The following CADPS variants were observed in gnomAD, a reference collection of about 807,000 sequenced individuals.
The protein encoded by CADPS is calcium dependent secretion activator.
Under a neutral mutation model 167.3 loss-of-function variants are expected in CADPS, and 57 were observed. The observed-to-expected ratio is 0.34, with a 90% confidence interval of 0.28 to 0.42. CADPS has a LOEUF of 0.42. Ranked by LOEUF, CADPS falls within the 20% of genes least tolerant of loss-of-function variation. CADPS has a pLI of 1.00. For missense variants in CADPS, 1,414 were observed against 1,738.1 expected (o/e 0.81, Z 3.32); for synonymous variants, 676 against 635.3 (o/e 1.06, Z -0.96).
At chr3:62,795,101 C>T (rs1429893371) in intron 1 of CADPS, among the ~76,000 whole-genome samples, 1 of 152,054 alleles carries the variant, frequency 6.6e-6, no homozygotes, top group Non-Finnish European at 1.5e-5. Context: ...GGAAAATGGC[C>T]ATATAATTAA....
chr3:62,813,704 C>T (rs541430287), intron 1 of CADPS, among the ~76,000 whole-genome samples: 41 of 152,172 alleles, frequency 2.7e-4, no homozygotes, highest in Non-Finnish European at 5.1e-4. Context: ...GTGAACTACT[C>T]ATTTGACAAA....
intron 4 of CADPS, among the ~76,000 whole-genome samples, chr3:62,651,605 T>C (rs1401842802): frequency 6.6e-6 from 1 of 152,176 alleles, no homozygotes; most frequent in Non-Finnish European, 1.5e-5. Flanking sequence ...TCAAGAAAAA[T>C]TGAACCAAAT....
At chr3:62,826,562 A>T (rs1032674249) in intron 1 of CADPS, among the ~76,000 whole-genome samples, 6 of 152,182 alleles carry the variant, frequency 3.9e-5, no homozygotes, top group Non-Finnish European at 7.3e-5. Flanking sequence ...GGTCTGGGAA[A>T]AGTAACTTGT....
At chr3:62,479,393 C>T (rs1255458323) in intron 22 of CADPS, among the ~76,000 whole-genome samples, 2 of 152,214 alleles carry the variant, frequency 1.3e-5, no homozygotes, top group Non-Finnish European at 2.9e-5. Context: ...ACCACTAATG[C>T]TAACACAGTA....
chr3:62,637,408 CA>C (rs2066512801), intron 6 of CADPS, among the ~76,000 whole-genome samples: 1 of 152,184 alleles, frequency 6.6e-6, no homozygotes, highest in Non-Finnish European at 1.5e-5. Flanking sequence ...TGATCATTAT[CA>C]TTAGTGTCTC....
intron 4 of CADPS, among the ~76,000 whole-genome samples, chr3:62,661,558 G>A (rs2073213137): frequency 6.6e-6 from 1 of 152,160 alleles, no homozygotes; most frequent in Non-Finnish European, 1.5e-5. Flanking sequence ...TTGGTTAAGA[G>A]TCTTGATTAT....
intron 11 of CADPS, among the ~76,000 whole-genome samples, chr3:62,545,762 C>T (rs1447482695): frequency 6.6e-6 from 1 of 152,142 alleles, no homozygotes; most frequent in African/African-American, 2.4e-5. Context: ...CTCACAATTA[C>T]TCCCAAGTTT....
chr3:62,607,692 T>C (rs1036456090), intron 6 of CADPS, among the ~76,000 whole-genome samples: 5 of 152,096 alleles, frequency 3.3e-5, no homozygotes, highest in Non-Finnish European at 7.4e-5. Flanking sequence ...ACGGAAGCTG[T>C]TGTTGGTTTG....
intron 3 of CADPS, among the ~76,000 whole-genome samples, chr3:62,731,543 T>C (rs1259413222): frequency 6.6e-6 from 1 of 152,080 alleles, no homozygotes; most frequent in African/African-American, 2.4e-5. Flanking sequence ...GTATACTCTC[T>C]AATCCCAGAA....
At chr3:62,580,392 C>G (rs981886938) in intron 8 of CADPS, among the ~76,000 whole-genome samples, 1 of 151,868 alleles carries the variant, frequency 6.6e-6, no homozygotes. Flanking sequence ...ACAATAAGAA[C>G]ACATGGACAC....
Position 62,602,887 on chromosome 3 carries a change from T to C in CADPS, c.1326-10139A>G, listed in dbSNP as rs574653843. Among the ~76,000 whole-genome samples the C allele has an allele frequency of 2.6e-5, 4 of 152,298 alleles. No homozygotes were observed. In the East Asian group the frequency reaches 5.8e-4, roughly 22 times the overall value. ...CCAGCCACCCAGACATCATTCTTAT[T>C]TGCCTCTCTTTGCCACATGTCCGTC... On this transcript the variant is annotated intron_variant, in intron 6 of 29. Coordinates refer to ENST00000383710, the MANE Select transcript of CADPS (RefSeq NM_003716.4). This position sits in a 1 kb window ranked among gnomAD's most constrained non-coding sequence, Gnocchi z 4.4.
Position 62,618,433 on chromosome 3 carries a change from G to A in CADPS, c.1326-25685C>T, listed in dbSNP as rs138120339. Among the ~76,000 whole-genome samples the A allele has an allele frequency of 2.3e-4, 35 of 152,268 alleles. 2 individuals carry two copies. In the East Asian group the frequency reaches 6.6e-3, roughly 29 times the overall value. On this transcript the variant is annotated intron_variant, in intron 6 of 29. Coordinates refer to ENST00000383710, the MANE Select transcript of CADPS (RefSeq NM_003716.4). ...ATGGCCTGAGTGATGGTATCATTGG[G>A]ACTGCAAGCCTCAGCATCATGCAAT... is the stretch of plus-strand genomic sequence containing the variant.
intron 20 of CADPS, among the ~76,000 whole-genome samples, chr3:62,491,837 A>G (rs2063793915): frequency 6.6e-6 from 1 of 152,086 alleles, no homozygotes; most frequent in Non-Finnish European, 1.5e-5. Flanking sequence ...AAGAAAGAAC[A>G]TTCTTCATAC....
intron 6 of CADPS, among the ~76,000 whole-genome samples, chr3:62,622,173 C>G (rs977132805): frequency 1.3e-5 from 2 of 152,094 alleles, no homozygotes; most frequent in African/African-American, 2.4e-5. Context: ...GAATCAGCCC[C>G]GAGCTGTATG....
At chr3:62,462,887 T>C (rs1479203000) in intron 26 of CADPS, among the ~76,000 whole-genome samples, 1 of 152,176 alleles carries the variant, frequency 6.6e-6, no homozygotes, top group Non-Finnish European at 1.5e-5. Context: ...CTGCCACCTC[T>C]AAACACAGTT....
chr3:62,414,497 T>C (rs201758462), intron 28 of CADPS, among the ~76,000 whole-genome samples: 2 of 152,238 alleles, frequency 1.3e-5, no homozygotes, highest in East Asian at 3.8e-4. Flanking sequence ...ATAAAAATCA[T>C]GTATTTCTTA....
chr3:62,587,789 G>A (rs1232157916), intron 7 of CADPS, among the ~76,000 whole-genome samples: 1 of 152,160 alleles, frequency 6.6e-6, no homozygotes, highest in Non-Finnish European at 1.5e-5. Context: ...GCTTGCTGGG[G>A]AGCCCTCTTT....
chr3:62,657,739 C>T (rs1200569157), intron 4 of CADPS, among the ~76,000 whole-genome samples: 2 of 152,028 alleles, frequency 1.3e-5, no homozygotes, highest in Non-Finnish European at 2.9e-5. Context: ...GATGCTGGTG[C>T]GATTGAACTG....
chr3:62,595,619 AT>A (rs2058799188), intron 6 of CADPS, among the ~76,000 whole-genome samples: 1 of 152,154 alleles, frequency 6.6e-6, no homozygotes, highest in Non-Finnish European at 1.5e-5. Flanking sequence ...AATAGTGATT[AT>A]TGCTTATCTA....
Sources: allele counts gnomAD v4.1 joint callset (sites outside exome capture counted in the v4.1 genomes callset), GRCh38; gene constraint gnomAD v4.1.1; non-coding constraint Gnocchi (gnomAD v3.1); transcripts MANE v1.5; gene names NCBI Gene and HGNC (gene_info 2026-07-23, HGNC 2026-07-21).